Variants in CDC14B observed in about 807,000 individuals in gnomAD.
CDC14B encodes cell division cycle 14B.
Under a neutral mutation model 64.2 loss-of-function variants are expected in CDC14B, and 22 were observed. That is an observed-to-expected ratio of 0.34 (90% CI 0.24 to 0.49). The LOEUF (loss-of-function observed/expected upper bound fraction) is 0.49. Ranked by LOEUF, CDC14B falls within the 20% of genes least tolerant of loss-of-function variation. The pLI is 0.99. For missense variants in CDC14B, 498 were observed against 629.9 expected, an observed-to-expected ratio of 0.79 and a Z score of 2.24; for synonymous variants, 191 against 215.8, an observed-to-expected ratio of 0.89 and a Z score of 1.01.
intron 6 of CDC14B, among the ~76,000 whole-genome samples, chr9:96,540,354 T>C (rs1839870773): frequency 6.6e-6 from 1 of 152,080 alleles, no homozygotes; most frequent in Non-Finnish European, 1.5e-5. Flanking sequence ...ATATAGTGGC[T>C]GGGTGCGGTG....
At chr9:96,616,083 T>C (rs975748658) in intron 1 of CDC14B, among the ~76,000 whole-genome samples, 4 of 152,156 alleles carry the variant, frequency 2.6e-5, no homozygotes, top group Non-Finnish European at 4.4e-5. Flanking sequence ...CCCAGCACTT[T>C]GGGAGATCTA....
intron 11 of CDC14B, 135 bp downstream of exon 11, chr9:96,523,126 G>A (rs374798899): frequency 8.6e-6 from 8 of 934,752 alleles, no homozygotes; most frequent in Non-Finnish European, 1.3e-5. Context: ...TGCCTAGAGA[G>A]GGTTATAAAT....
intron 5 of CDC14B, among the ~76,000 whole-genome samples, chr9:96,543,855 A>G (rs1453567634): frequency 2.0e-5 from 3 of 152,156 alleles, no homozygotes; most frequent in Admixed American, 6.6e-5. Flanking sequence ...GGGTCTTCAC[A>G]CTGTAATATT....
intron 9 of CDC14B, among the ~76,000 whole-genome samples, chr9:96,530,651 C>T (rs908031918): frequency 2.0e-5 from 3 of 147,306 alleles, no homozygotes; most frequent in South Asian, 2.1e-4. Context: ...TGTCTAATTT[C>T]GATTTTTTTT....
At chr9:96,514,370 C>T (rs969773279) in intron 12 of CDC14B, 1 of 937,142 alleles carries the variant, frequency 1.1e-6, no homozygotes, top group Non-Finnish European at 1.3e-6. Context: ...TCGTAGTTGA[C>T]TAAGAGAAGT....
At chr9:96,619,122 GCCCCGGAGGCCCCGGGCA>G in intron 1 of CDC14B, 79 bp downstream of exon 1, 1 of 1,015,756 alleles carries the variant, frequency 9.8e-7, no homozygotes, top group Non-Finnish European at 1.3e-6. Flanking sequence ...TTTCGGCCCG[GCCCCGGAGGCCCCGGGCA>G]GCCCGGTGGG....
At chr9:96,547,182 T>C (rs1044347740) in intron 5 of CDC14B, among the ~76,000 whole-genome samples, 1 of 151,862 alleles carries the variant, frequency 6.6e-6, no homozygotes, top group Non-Finnish European at 1.5e-5. Context: ...GACAGGGTCT[T>C]GGCCAGGCAC....
At chr9:96,524,783 G>A (rs940757980) in intron 9 of CDC14B, among the ~76,000 whole-genome samples, 3 of 152,190 alleles carry the variant, frequency 2.0e-5, no homozygotes, top group Admixed American at 6.5e-5. Flanking sequence ...GCTGGCCCAC[G>A]CTGCATATTT....
intron 5 of CDC14B, among the ~76,000 whole-genome samples, chr9:96,549,571 A>G (rs16911179): frequency 6.6e-6 from 1 of 152,132 alleles, no homozygotes; most frequent in African/African-American, 2.4e-5. Context: ...AGGCTGAGGC[A>G]GAAGAATCGC....
intron 1 of CDC14B, among the ~76,000 whole-genome samples, chr9:96,580,413 T>C (rs1036810471): frequency 6.6e-6 from 1 of 152,152 alleles, no homozygotes; most frequent in Admixed American, 6.6e-5. Context: ...GTGTTTTTAG[T>C]AGAGATGGGG....
At chr9:96,525,572 C>T (rs557840022) in intron 9 of CDC14B, among the ~76,000 whole-genome samples, 1 of 152,310 alleles carries the variant, frequency 6.6e-6, no homozygotes, top group Admixed American at 6.5e-5. Flanking sequence ...CCCTAGAGGG[C>T]CTGGAGGGCA....
At position 96,619,408 on chromosome 9, in the gene CDC14B, C is replaced by CG; in HGVS notation, c.-31dup. 8.7e-7 allele frequency: 1 copy of CG among 1,153,976 alleles called. No individual in the cohort carries two copies. The highest frequency in any genetic ancestry group is 1.1e-6 in the Non-Finnish European group (1 of 938,768). The allele number at this position is 1,153,976 out of a possible 1,614,324, so 71.5% of individuals were successfully genotyped here. On this transcript the variant is annotated 5_prime_UTR_variant, in exon 1 of 14. An upstream open reading frame in the 5' UTR gains an earlier in-frame stop. Transcript: ENST00000375241. ...GCGGCCGCGGCCCGTCAGGGGGCCA[C>CG]GACCATGGCCCCGCGCGCCCGCGCG... is the stretch of plus-strand genomic sequence containing the variant.
chr9:96,585,942 T>C (rs966277239), intron 1 of CDC14B, among the ~76,000 whole-genome samples: 1 of 152,186 alleles, frequency 6.6e-6, no homozygotes, highest in African/African-American at 2.4e-5. Flanking sequence ...GAAGTACTGA[T>C]ACACAAAAGG....
rs1458083880 is a variant in CDC14B, at chr9:96,503,607, A to T, written c.*146T>A. On this transcript the variant is annotated 3_prime_UTR_variant, in exon 14 of 14. Coordinates refer to ENST00000375241, the MANE Select transcript of CDC14B (RefSeq NM_033331.4). Reference sequence around the variant, plus strand: ...ACTCAAAGTTCATTATTCAAACTCCAGTGGACATTTTCTCCATTGATCAAC... The same window carrying T: ...ACTCAAAGTTCATTATTCAAACTCCTGTGGACATTTTCTCCATTGATCAAC... The T allele has an allele frequency of 2.8e-5, 19 of 673,242 alleles. No homozygotes were observed. In the Middle Eastern group the frequency reaches 1.5e-3, roughly 53 times the overall value. The allele number at this position is 673,242 out of a possible 1,614,324, so 41.7% of individuals were successfully genotyped here. A position where few individuals can be genotyped will look rare whatever the true frequency, so the allele number is the denominator to read the frequency against.
intron 1 of CDC14B, among the ~76,000 whole-genome samples, chr9:96,598,555 T>C (rs1366969794): frequency 6.6e-6 from 1 of 152,172 alleles, no homozygotes; most frequent in Non-Finnish European, 1.5e-5. Context: ...CAGGCTGGTT[T>C]TGAACTCCTG....
intron 1 of CDC14B, among the ~76,000 whole-genome samples, chr9:96,602,665 C>T (rs1020863325): frequency 2.4e-4 from 37 of 152,164 alleles, no homozygotes; most frequent in Admixed American, 2.2e-3. Context: ...TTACCTCTCA[C>T]CAGCGTCCCT....
chr9:96,585,536 T>C (rs959727328), intron 1 of CDC14B, among the ~76,000 whole-genome samples: 1 of 152,112 alleles, frequency 6.6e-6, no homozygotes, highest in Non-Finnish European at 1.5e-5. Context: ...AAGCATTCAG[T>C]ATCAGGGAAA....
intron 1 of CDC14B, among the ~76,000 whole-genome samples, chr9:96,608,606 C>T (rs1225757953): frequency 6.6e-6 from 1 of 152,018 alleles, no homozygotes; most frequent in East Asian, 1.9e-4. Flanking sequence ...AAATATTTAG[C>T]AATCTTTATC....
In CDC14B at chr9:96,515,882, A is replaced by AT; in HGVS notation, c.1344-6094dup. The AT allele has an allele frequency of 7.9e-7, 1 of 1,262,940 alleles. No homozygotes were observed. The highest frequency in any genetic ancestry group is 1.1e-6 in the Non-Finnish European group (1 of 927,812). The allele number at this position is 1,262,940 out of a possible 1,614,324, so 78.2% of individuals were successfully genotyped here. A position where few individuals can be genotyped will look rare whatever the true frequency, so the allele number is the denominator to read the frequency against. ...CATCAATCAATCAAGCCATATGTGA[A>AT]TTTTAGACACCCTAAAAGCCCAGCC... On this transcript the variant is annotated intron_variant, in intron 12 of 13. Transcript: ENST00000375241. The surrounding 1 kb of genome is among the most constrained non-coding windows in gnomAD (Gnocchi z 4.3).
Sources: allele counts gnomAD v4.1 joint callset (sites outside exome capture counted in the v4.1 genomes callset), GRCh38; gene constraint gnomAD v4.1.1; non-coding constraint Gnocchi (gnomAD v3.1); transcripts MANE v1.5; gene names NCBI Gene and HGNC (gene_info 2026-07-23, HGNC 2026-07-21).